The following UNC5D variants were observed in gnomAD, a reference collection of about 807,000 sequenced individuals.
The protein encoded by UNC5D is netrin receptor UNC5D.
A neutral mutation model predicts 105.4 loss-of-function variants in UNC5D; 39 were observed. The ratio of observed to expected loss-of-function variants is 0.37; its 90% CI spans 0.29 to 0.48. The LOEUF (loss-of-function observed/expected upper bound fraction) is 0.48. UNC5D is among the 20% of genes least tolerant of loss of function. The pLI is 0.98. For missense variants in UNC5D, 991 were observed against 1,202.4 expected, an observed-to-expected ratio of 0.82 and a Z score of 2.60; for synonymous variants, 452 against 450.4, an observed-to-expected ratio of 1.00 and a Z score of -0.04.
intron 1 of UNC5D, among the ~76,000 whole-genome samples, chr8:35,543,698 A>G (rs1815434925): frequency 6.6e-6 from 1 of 152,182 alleles, no homozygotes; most frequent in Non-Finnish European, 1.5e-5. Context: ...CTAGTCAGTT[A>G]AATATAGTTG....
chr8:35,657,593 T>A (rs753342760), intron 4 of UNC5D, among the ~76,000 whole-genome samples: 3 of 152,124 alleles, frequency 2.0e-5, no homozygotes, highest in Non-Finnish European at 4.4e-5. Context: ...CAAATGATCC[T>A]CCCACCTCAG....
At chr8:35,446,118 T>G (rs565893540) in intron 1 of UNC5D, among the ~76,000 whole-genome samples, 41 of 151,988 alleles carry the variant, frequency 2.7e-4, no homozygotes, top group African/African-American at 7.9e-4. Flanking sequence ...CTGAGCAGTA[T>G]ACACTGACCT....
chr8:35,662,977 G>A (rs1033315520), intron 4 of UNC5D, among the ~76,000 whole-genome samples: 9 of 152,152 alleles, frequency 5.9e-5, no homozygotes, highest in South Asian at 4.1e-4. Flanking sequence ...GCTCCTTATC[G>A]GAGTCCCATC....
chr8:35,269,133 A>G (rs936163159), intron 1 of UNC5D, among the ~76,000 whole-genome samples: 3 of 152,342 alleles, frequency 2.0e-5, no homozygotes, highest in African/African-American at 7.2e-5. Context: ...ATCTTTACAA[A>G]TTATATGAAT....
intron 9 of UNC5D, among the ~76,000 whole-genome samples, chr8:35,722,895 A>C (rs1454676502): frequency 6.6e-6 from 1 of 152,176 alleles, no homozygotes; most frequent in East Asian, 1.9e-4. Context: ...GGGGAAAAAA[A>C]ATGAAATTCC....
chr8:35,399,245 C>A (rs991796560), intron 1 of UNC5D, among the ~76,000 whole-genome samples: 11 of 150,438 alleles, frequency 7.3e-5, no homozygotes, highest in African/African-American at 2.7e-4. Flanking sequence ...GTGGTAAACA[C>A]AAAATAGATT....
rs1408010024 is a variant in UNC5D at position 35,639,074 on chromosome 8, C to T, written c.570+43417C>T. On this transcript the variant is annotated intron_variant, in intron 4 of 16. Coordinates refer to ENST00000404895, the MANE Select transcript of UNC5D (RefSeq NM_080872.4). The stretch of plus-strand genomic sequence containing the variant: ...ACTGAATTGTGTACCCAAAGCAAAC[C>T]TCAACAGTAAGGGAAAATGAATATT... Among the ~76,000 whole-genome samples, 3 of 152,110 alleles carry T rather than the reference C, an allele frequency of 2.0e-5. No homozygotes were observed. In the East Asian group the frequency reaches 5.8e-4, roughly 29 times the overall value.
At chr8:35,634,072 C>T (rs1333101767) in intron 4 of UNC5D, among the ~76,000 whole-genome samples, 1 of 152,178 alleles carries the variant, frequency 6.6e-6, no homozygotes, top group African/African-American at 2.4e-5. Context: ...CTTTATCACT[C>T]ATTAGCCTGT....
At chr8:35,414,800 T>C (rs1309918179) in intron 1 of UNC5D, among the ~76,000 whole-genome samples, 2 of 152,150 alleles carry the variant, frequency 1.3e-5, no homozygotes, top group Non-Finnish European at 2.9e-5. Context: ...TTCCTTCAAC[T>C]CTTGGAGGGT....
chr8:35,630,087 T>G (rs1821944743), intron 4 of UNC5D, among the ~76,000 whole-genome samples: 1 of 152,244 alleles, frequency 6.6e-6, no homozygotes, highest in African/African-American at 2.4e-5. Flanking sequence ...AATCTTTTAT[T>G]GTCTGGACTG....
intron 2 of UNC5D, among the ~76,000 whole-genome samples, chr8:35,565,509 A>T (rs1304357062): frequency 3.3e-5 from 5 of 152,104 alleles, no homozygotes; most frequent in Non-Finnish European, 7.4e-5. Flanking sequence ...ATAGTTTGCA[A>T]ATATTTTCTC....
intron 1 of UNC5D, among the ~76,000 whole-genome samples, chr8:35,275,006 G>A (rs1805676752): frequency 6.6e-6 from 1 of 151,742 alleles, no homozygotes; most frequent in Non-Finnish European, 1.5e-5. Flanking sequence ...CAGGAGAATT[G>A]CTTGAACCTG....
intron 1 of UNC5D, among the ~76,000 whole-genome samples, chr8:35,334,034 A>G (rs1810834203): frequency 6.6e-6 from 1 of 152,002 alleles, no homozygotes; most frequent in African/African-American, 2.4e-5. Context: ...GTGGCAGAAA[A>G]CCTCCTTCCA....
In UNC5D at chr8:35,751,205, G is replaced by A. The variant is rs889702866; in HGVS notation, c.2163+396G>A. 8.5e-5 allele frequency among the ~76,000 whole-genome samples: 13 copies of A among 152,200 alleles called. No homozygotes were observed. The South Asian group carries it at 2.5e-3, about 29-fold the overall frequency. ...ATTGCACTGAGTCAGTTCCTGGGTC[G>A]GGGCCACAAGATAGATGAGCCAGTT... On this transcript the variant is annotated intron_variant, in intron 13 of 16. Coordinates refer to ENST00000404895, the MANE Select transcript of UNC5D (RefSeq NM_080872.4).
intron 1 of UNC5D, among the ~76,000 whole-genome samples, chr8:35,438,096 AAAAC>A (rs370599517): frequency 1.2e-3 from 187 of 152,056 alleles, no homozygotes; most frequent in Middle Eastern, 6.8e-3. Context: ...TGGAAAAGGC[AAAAC>A]AAACAAACAA....
At chr8:35,299,215 G>T (rs998515436) in intron 1 of UNC5D, among the ~76,000 whole-genome samples, 33 of 152,200 alleles carry the variant, frequency 2.2e-4, no homozygotes, top group African/African-American at 7.0e-4. Context: ...TGTTATGATG[G>T]GTGGGAGTGT....
chr8:35,266,905 G>A (rs1190253163), intron 1 of UNC5D, among the ~76,000 whole-genome samples: 1 of 152,110 alleles, frequency 6.6e-6, no homozygotes, highest in East Asian at 1.9e-4. Flanking sequence ...CCTATTCCAA[G>A]ACAAGTAGAC....
chr8:35,471,075 G>C (rs537454597), intron 1 of UNC5D, among the ~76,000 whole-genome samples: 1 of 152,050 alleles, frequency 6.6e-6, no homozygotes, highest in Admixed American at 6.6e-5. Context: ...CTAGTACCCC[G>C]GGGCCAGTTC....
chr8:35,436,953 T>C (rs1219542185), intron 1 of UNC5D, among the ~76,000 whole-genome samples: 1 of 152,080 alleles, frequency 6.6e-6, no homozygotes, highest in Non-Finnish European at 1.5e-5. Context: ...AATACTTGAA[T>C]CTTATTCAAT....
Sources: allele counts gnomAD v4.1 joint callset (sites outside exome capture counted in the v4.1 genomes callset), GRCh38; gene constraint gnomAD v4.1.1; transcripts MANE v1.5; gene names NCBI Gene and HGNC (gene_info 2026-07-23, HGNC 2026-07-21).